CCDC88A: variants seen among roughly 807,000 people sequenced by gnomAD.
The protein encoded by CCDC88A is girdin.
Under a neutral mutation model 234.3 loss-of-function variants are expected in CCDC88A, and 54 were observed. The observed-to-expected ratio is 0.23, with a 90% confidence interval of 0.19 to 0.29. The LOEUF is 0.29. Ranked by LOEUF, CCDC88A falls within the 10% of genes least tolerant of loss-of-function variation. CCDC88A has a pLI of 1.00. For missense variants in CCDC88A, 1,832 were observed against 2,123.4 expected (o/e 0.86, Z 2.70); for synonymous variants, 753 against 737.8 (o/e 1.02, Z -0.33).
At chr2:55,320,461 C>T (rs547915861) in intron 18 of CCDC88A, among the ~76,000 whole-genome samples, 21 of 152,134 alleles carry the variant, frequency 1.4e-4, no homozygotes, top group Middle Eastern at 3.4e-3. Context: ...TATGGCTAAC[C>T]GTCTTTATAA....
intron 31 of CCDC88A, chr2:55,295,235 T>C: frequency 1.5e-6 from 2 of 1,337,190 alleles, no homozygotes; most frequent in Non-Finnish European, 2.0e-6. Context: ...GTTCATTTTC[T>C]TTCTGTGCAG....
intron 4 of CCDC88A, 65 bp from the exon 5 acceptor site, chr2:55,372,575 A>G (rs765932211): frequency 3.1e-5 from 25 of 793,814 alleles, no homozygotes; most frequent in Non-Finnish European, 5.3e-5. Flanking sequence ...ATATTTGGAG[A>G]ATCACTTCTA....
rs2104705576 is a variant in CCDC88A at position 55,339,649 on chromosome 2, CTA to C, written c.1334-3_1334-2del. Reference sequence around the variant, plus strand: ...TCATGGCCCAGGGATTTCTGGGGTGCTATAATATTGAAAAATACACCATTGTA... The same window carrying C: ...TCATGGCCCAGGGATTTCTGGGGTGCTAATATTGAAAAATACACCATTGTA... On this transcript the variant is annotated splice_acceptor_variant and splice_polypyrimidine_tract_variant and intron_variant, in intron 12 of 32. Coordinates refer to ENST00000436346, the MANE Select transcript of CCDC88A (RefSeq NM_001365480.1). LOFTEE classifies it high-confidence loss of function. 1 of 1,592,182 alleles carries C rather than the reference CTA, an allele frequency of 6.3e-7. No individual in the cohort carries two copies. The highest frequency in any genetic ancestry group is 1.4e-5 in the African/African-American group (1 of 73,390).
intron 7 of CCDC88A, among the ~76,000 whole-genome samples, chr2:55,359,674 C>G (rs1423921673): frequency 6.6e-6 from 1 of 150,770 alleles, no homozygotes; most frequent in African/African-American, 2.4e-5. Flanking sequence ...TTGTACTTAT[C>G]ACTTTCAAAA....
chr2:55,377,709 A>C (rs1406139151), intron 3 of CCDC88A, among the ~76,000 whole-genome samples: 1 of 152,078 alleles, frequency 6.6e-6, no homozygotes, highest in Non-Finnish European at 1.5e-5. Flanking sequence ...TCCCAGGTTC[A>C]AGAGATTCTC....
chr2:55,347,217 T>C (rs1235469297), intron 9 of CCDC88A, among the ~76,000 whole-genome samples: 1 of 152,196 alleles, frequency 6.6e-6, no homozygotes, highest in Non-Finnish European at 1.5e-5. Flanking sequence ...TTGAGACAAA[T>C]ATTAAAATCC....
At chr2:55,354,410 C>A (rs572408481) in intron 8 of CCDC88A, among the ~76,000 whole-genome samples, 46 of 151,834 alleles carry the variant, frequency 3.0e-4, no homozygotes, top group African/African-American at 1.1e-3. Context: ...GGATTACAGG[C>A]ATGAGCCACT....
intron 11 of CCDC88A, 57 bp from the exon 12 acceptor site, chr2:55,343,849 A>C (rs1437913982): frequency 7.4e-7 from 1 of 1,347,946 alleles, no homozygotes; most frequent in African/African-American, 1.5e-5. Context: ...TACAATTTTG[A>C]GCAAATACTT....
At chr2:55,302,835 C>A in intron 26 of CCDC88A, 2 of 281,678 alleles carry the variant, frequency 7.1e-6, no homozygotes, top group East Asian at 6.1e-5. Flanking sequence ...TGGAAATTTA[C>A]GAGTAAGTTA....
chr2:55,403,399 A>C (rs1332632581), intron 2 of CCDC88A: 1 of 152,226 alleles, frequency 6.6e-6, no homozygotes, highest in African/African-American at 2.4e-5. Flanking sequence ...AAGACCCAAC[A>C]AAATAACTTT....
intron 2 of CCDC88A, among the ~76,000 whole-genome samples, chr2:55,390,095 C>G (rs1366063295): frequency 7.0e-6 from 1 of 143,134 alleles, no homozygotes; most frequent in Non-Finnish European, 1.5e-5. Context: ...TGTATCAACT[C>G]ACTTTAACAA....
chr2:55,301,185 A>C, intron 28 of CCDC88A, 21 bp downstream of exon 28: 1 of 1,450,396 alleles, frequency 6.9e-7, no homozygotes, highest in Non-Finnish European at 9.6e-7. Context: ...TGTACTCTCT[A>C]AATAAGGTTC....
chr2:55,311,422 G>C (rs1682338151), intron 23 of CCDC88A, among the ~76,000 whole-genome samples: 1 of 152,170 alleles, frequency 6.6e-6, no homozygotes, highest in African/African-American at 2.4e-5. Flanking sequence ...AAAAATGTAT[G>C]ATGTATCCTG....
intron 2 of CCDC88A, among the ~76,000 whole-genome samples, chr2:55,413,620 T>C (rs1426625784): frequency 1.3e-5 from 2 of 152,092 alleles, no homozygotes; most frequent in South Asian, 2.1e-4. Flanking sequence ...GTCCTAAGAA[T>C]ACAGAGACAA....
At chr2:55,385,343 G>A (rs1375832759) in intron 3 of CCDC88A, among the ~76,000 whole-genome samples, 12 of 152,092 alleles carry the variant, frequency 7.9e-5, no homozygotes, top group Admixed American at 7.9e-4. Flanking sequence ...TATAATCAAT[G>A]GGTTAAACAG....
At position 55,301,835 on chromosome 2, in the gene CCDC88A, C is replaced by T. The variant is rs371609715; in HGVS notation, c.4672+37G>A. The T allele has an allele frequency of 7.1e-6, 11 of 1,558,276 alleles. No individual in the cohort carries two copies. In the African/African-American group the frequency reaches 1.4e-4, roughly 19 times the overall value. Reference sequence around the variant, plus strand: ...GTCAAATTAAAATTCTTGTTGCCAACAATTACACCACAGTGCAAATAGCAG... The same window carrying T: ...GTCAAATTAAAATTCTTGTTGCCAATAATTACACCACAGTGCAAATAGCAG... On this transcript the variant is annotated intron_variant, in intron 27 of 32. Transcript: ENST00000436346.
At chr2:55,355,302 A>T (rs1401326096) in intron 8 of CCDC88A, 2 of 307,126 alleles carry the variant, frequency 6.5e-6, no homozygotes, top group African/African-American at 4.4e-5. Flanking sequence ...ATGTAAAGAC[A>T]AAAAACTAAG....
chr2:55,401,497 T>TAC, intron 2 of CCDC88A, among the ~76,000 whole-genome samples: 1 of 6,710 alleles, frequency 1.5e-4, no homozygotes, highest in Non-Finnish European at 4.6e-4. Context: ...TGTGTGTGTA[T>TAC]ACATATATAT....
At chr2:55,392,358 G>A (rs547520721) in intron 2 of CCDC88A, among the ~76,000 whole-genome samples, 1 of 152,130 alleles carries the variant, frequency 6.6e-6, no homozygotes, top group Admixed American at 6.5e-5. Context: ...TTCTGCATGA[G>A]CAAAAAACAA....
Sources: allele counts gnomAD v4.1 joint callset (sites outside exome capture counted in the v4.1 genomes callset), GRCh38; gene constraint gnomAD v4.1.1; transcripts MANE v1.5; gene names NCBI Gene and HGNC (gene_info 2026-07-23, HGNC 2026-07-21).